ASB18: variants seen among roughly 807,000 people sequenced by gnomAD.
ASB18 encodes ankyrin repeat and SOCS box containing 18, also known as ankyrin repeat and SOCS box protein 18.
A neutral mutation model predicts 33.4 loss-of-function variants in ASB18; 33 were observed. The ratio of observed to expected loss-of-function variants is 0.99; its 90% CI spans 0.75 to 1.32. The LOEUF (loss-of-function observed/expected upper bound fraction) is 1.32. Among genes scored for constraint, ASB18 ranks in the 40% most tolerant of loss-of-function variants. The pLI is 0.00. For missense variants in ASB18, 694 were observed against 655.5 expected (o/e 1.06, Z -0.64); for synonymous variants, 295 against 307.6 (o/e 0.96, Z 0.43).
At chr2:236,206,373 G>C (rs936065463) in intron 4 of ASB18, among the ~76,000 whole-genome samples, 5 of 151,928 alleles carry the variant, frequency 3.3e-5, no homozygotes, top group African/African-American at 1.2e-4. Context: ...ACCTCCTCAG[G>C]GTTTCTAGAA....
Position 236,248,733 on chromosome 2 carries a change from AC to A in ASB18, c.206-7332del, listed in dbSNP as rs2106283441. ...TGGAATGCCTTTTATCCCTGGACTTACCCCATTTTGTGTGATACATATCGTG... is the reference window on the plus strand; with the variant it reads ...TGGAATGCCTTTTATCCCTGGACTTACCCATTTTGTGTGATACATATCGTG... On this transcript the variant is annotated intron_variant, in intron 1 of 5. Transcript: ENST00000409749. The surrounding 1 kb of genome is among the most constrained non-coding windows in gnomAD (Gnocchi z 4.9). The A allele has an allele frequency of 6.6e-6, 1 of 152,280 alleles. No homozygotes were observed. The highest frequency in any genetic ancestry group is 1.5e-5 in the Non-Finnish European group (1 of 68,014). 9.4% of individuals were successfully genotyped at this position (152,280 alleles called of 1,614,324 possible).
In ASB18 at chr2:236,241,607, A is replaced by G. The variant is rs1270939121; in HGVS notation, c.206-205T>C. On this transcript the variant is annotated intron_variant, in intron 1 of 5. Transcript: ENST00000409749. This position sits in a 1 kb window ranked among gnomAD's most constrained non-coding sequence, Gnocchi z 4.2. ...GAGCTATTTCTATTGTCATTACTCA[A>G]TTGTCATCCAGTTGGGGCTCGATGG... 6 of 671,774 alleles carry G rather than the reference A, an allele frequency of 8.9e-6. No individual in the cohort carries two copies. The highest frequency in any genetic ancestry group is 2.7e-5 in the East Asian group (1 of 36,932). 41.6% of individuals were successfully genotyped at this position (671,774 alleles called of 1,614,324 possible).
Position 236,196,461 on chromosome 2 carries a change from G to T in ASB18, c.1102-76C>A. 1.3e-6 allele frequency: 1 copy of T among 767,984 alleles called. No individual in the cohort carries two copies. The highest frequency in any genetic ancestry group is 2.3e-6 in the Non-Finnish European group (1 of 441,554). 47.6% of individuals were successfully genotyped at this position (767,984 alleles called of 1,614,324 possible). ...TCAGTGGGGAAAGGGTGGGGGGTGT[G>T]GGGGGATGCTCTCCCTAGCTGTGTG... is the stretch of plus-strand genomic sequence containing the variant. On this transcript the variant is annotated intron_variant, in intron 4 of 5. Coordinates refer to ENST00000409749, the MANE Select transcript of ASB18 (RefSeq NM_212556.4). The surrounding 1 kb of genome is among the most constrained non-coding windows in gnomAD (Gnocchi z 5.6).
In ASB18 at chr2:236,237,914, A is replaced by C. The variant is rs1373040792; in HGVS notation, c.371T>G (p.Leu124Arg). ...GTGGCCGTGGGCCGCGGCGATGCACAGGGGCGTGGTGAGCTCACGCTTGTA... is the reference window on the plus strand; with the variant it reads ...GTGGCCGTGGGCCGCGGCGATGCACCGGGGCGTGGTGAGCTCACGCTTGTA... Reference protein sequence around the residue: ...LEYKRELTTPLCIAAAHGHTA... With the variant: ...LEYKRELTTPRCIAAAHGHTA... Residue 124 changes from leucine to arginine, a missense_variant, in exon 3 of 6, where the codon CTG becomes CGG. By Grantham distance (102) the Leu-to-Arg change is moderately radical (BLOSUM62 -2). Coordinates refer to ENST00000409749, the MANE Select transcript of ASB18 (RefSeq NM_212556.4). The surrounding 1 kb of genome is among the most constrained non-coding windows in gnomAD (Gnocchi z 6.2). The C allele has an allele frequency of 4.7e-6, 7 of 1,504,142 alleles. No homozygotes were observed. The highest frequency in any genetic ancestry group is 6.2e-6 in the Non-Finnish European group (7 of 1,133,032). 93.2% of individuals were successfully genotyped at this position (1,504,142 alleles called of 1,614,324 possible).
At position 236,241,547 on chromosome 2, in the gene ASB18, T is replaced by A. The variant is rs574532517; in HGVS notation, c.206-145A>T. 6.2e-4 allele frequency: 560 copies of A among 905,888 alleles called. 10 individuals are homozygous for A. The South Asian group carries it at 7.0e-3, about 11-fold the overall frequency. 56.1% of individuals were successfully genotyped at this position (905,888 alleles called of 1,614,324 possible). On this transcript the variant is annotated intron_variant, in intron 1 of 5. Transcript: ENST00000409749. The surrounding 1 kb of genome is among the most constrained non-coding windows in gnomAD (Gnocchi z 4.2). ...GAGATGCCGTCGATTTCAGAAGAGT[T>A]CTTCAGGAACGGGAAAGATGGTCTT... is the stretch of plus-strand genomic sequence containing the variant.
Position 236,241,427 on chromosome 2 carries a change from C to T in ASB18, c.206-25G>A, listed in dbSNP as rs199626879. On this transcript the variant is annotated intron_variant, in intron 1 of 5. Coordinates refer to ENST00000409749, the MANE Select transcript of ASB18 (RefSeq NM_212556.4). This position sits in a 1 kb window ranked among gnomAD's most constrained non-coding sequence, Gnocchi z 4.2. Reference sequence around the variant, plus strand: ...CCTGCGACCAGGGCAGTGTGGTACTCCTGCACCGGGGACCCTGCTCTAGCT... The same window carrying T: ...CCTGCGACCAGGGCAGTGTGGTACTTCTGCACCGGGGACCCTGCTCTAGCT... 34 of 1,613,630 alleles carry T rather than the reference C, an allele frequency of 2.1e-5. 1 individual carries two copies. In the Middle Eastern group the frequency reaches 4.9e-4, roughly 23 times the overall value.
rs1337640766 is a variant in ASB18, at chr2:236,262,171, G to A, written c.205+1970C>T. On this transcript the variant is annotated intron_variant, in intron 1 of 5. Transcript: ENST00000409749. This position sits in a 1 kb window ranked among gnomAD's most constrained non-coding sequence, Gnocchi z 5.2. ...GGCAATTAGTAATGTGAAAAGAAAG[G>A]ATATTTAGGTTCAGGATTCCCAATA... Among the ~76,000 whole-genome samples, 1 of 152,260 alleles carries A rather than the reference G, an allele frequency of 6.6e-6. No homozygotes were observed. The highest frequency in any genetic ancestry group is 1.5e-5 in the Non-Finnish European group (1 of 68,044).
In ASB18 at chr2:236,264,406, C is replaced by A; in HGVS notation, c.-61G>T. The A allele has an allele frequency of 6.8e-7, 1 of 1,466,100 alleles. No individual in the cohort carries two copies. Among genetic ancestry groups the A allele is most frequent in the South Asian group, 1.2e-5 (1 of 86,112 alleles). The allele number at this position is 1,466,100 out of a possible 1,614,324, so 90.8% of individuals were successfully genotyped here. ...TCTTCCTCTAAAGCGACTCCAAAGT[C>A]AGCAGCTGTCCGTGAGAGTGGCGTG... is the stretch of plus-strand genomic sequence containing the variant. On this transcript the variant is annotated 5_prime_UTR_variant, in exon 1 of 6. Transcript: ENST00000409749. The surrounding 1 kb of genome is among the most constrained non-coding windows in gnomAD (Gnocchi z 5.1).
chr2:236,226,779 A>T lies in ASB18; in HGVS notation c.596+10910T>A, dbSNP rs1173839192. On this transcript the variant is annotated intron_variant, in intron 3 of 5. Coordinates refer to ENST00000409749, the MANE Select transcript of ASB18 (RefSeq NM_212556.4). This position sits in a 1 kb window ranked among gnomAD's most constrained non-coding sequence, Gnocchi z 4.8. ...GAAGCAATATTTTTCTGATCCTTTA[A>T]AGTGGGAGAGGAGTTGGGGCCCAAG... Among the ~76,000 whole-genome samples the T allele has an allele frequency of 6.6e-6, 1 of 152,198 alleles. No individual in the cohort carries two copies. The highest frequency in any genetic ancestry group is 1.5e-5 in the Non-Finnish European group (1 of 68,034).
At chr2:236,232,033 A>C (rs11677599) in intron 3 of ASB18, among the ~76,000 whole-genome samples, 58,446 of 152,074 alleles carry the variant, frequency 0.38, 11,765 homozygotes, top group African/African-American at 0.52. Flanking sequence ...ATAGAATACT[A>C]CATTGAACTA....
In ASB18 at chr2:236,237,865, G is replaced by T; in HGVS notation, c.420C>A (p.Leu140=). 6.8e-7 allele frequency: 1 copy of T among 1,472,924 alleles called. No individual in the cohort carries two copies. The highest frequency in any genetic ancestry group is 8.9e-7 in the Non-Finnish European group (1 of 1,120,512). The allele number at this position is 1,472,924 out of a possible 1,614,324, so 91.2% of individuals were successfully genotyped here. A position where few individuals can be genotyped will look rare whatever the true frequency, so the allele number is the denominator to read the frequency against. ...TGGCGTCTGGGTCTGCGCCGCGGCC[G>T]AGCAGGTGTCGCACGCAGGCGGTGT... is the stretch of plus-strand genomic sequence containing the variant. ...HGHTACVRHL[L]GRGADPDASP... The change falls in exon 3 of 6, where the codon CTC becomes CTA. Residue 140 remains leucine, a synonymous_variant. Transcript: ENST00000409749. This position sits in a 1 kb window ranked among gnomAD's most constrained non-coding sequence, Gnocchi z 6.2.
rs542338327 is a variant in ASB18, at chr2:236,204,455, C to G, written c.1102-8070G>C. Among the ~76,000 whole-genome samples, 6 of 152,308 alleles carry G rather than the reference C, an allele frequency of 3.9e-5. No individual in the cohort carries two copies. Among genetic ancestry groups the G allele is most frequent in the African/African-American group, 1.4e-4 (6 of 41,560 alleles). ...ACCATCCCTGCATTCAGGCCTGTTC[C>G]TCTTTTCCGTTTACTCTCACTTGCT... On this transcript the variant is annotated intron_variant, in intron 4 of 5. Coordinates refer to ENST00000409749, the MANE Select transcript of ASB18 (RefSeq NM_212556.4). The surrounding 1 kb of genome is among the most constrained non-coding windows in gnomAD (Gnocchi z 5.1).
At chr2:236,202,777 C>CAAAAAAAAAAAAAAAAA (rs34973734) in intron 4 of ASB18, among the ~76,000 whole-genome samples, 2 of 68,732 alleles carry the variant, frequency 2.9e-5, no homozygotes, top group African/African-American at 1.1e-4. Context: ...GACTCCGTCT[C>CAAAAAAAAAAAAAAAAA]AAAAAAAAAA....
In ASB18 at chr2:236,239,302, C is replaced by A. The variant is rs1343328007; in HGVS notation, c.329-1346G>T. ...CCAACCCAGCCCCACCCTACCCTAG[C>A]GCTCAGTAAACCCACCCTGGATTCC... On this transcript the variant is annotated intron_variant, in intron 2 of 5. Transcript: ENST00000409749. This position sits in a 1 kb window ranked among gnomAD's most constrained non-coding sequence, Gnocchi z 5.6. 6.6e-6 allele frequency among the ~76,000 whole-genome samples: 1 copy of A among 152,012 alleles called. No individual in the cohort carries two copies. The highest frequency in any genetic ancestry group is 1.5e-5 in the Non-Finnish European group (1 of 67,992).
At position 236,262,965 on chromosome 2, in the gene ASB18, A is replaced by G. The variant is rs1212927316; in HGVS notation, c.205+1176T>C. ...CTGCAAGCTCCATTCCCTAGCAGCA[A>G]CTCCCACTCATGTCCCATCTGTGTT... On this transcript the variant is annotated intron_variant, in intron 1 of 5. Coordinates refer to ENST00000409749, the MANE Select transcript of ASB18 (RefSeq NM_212556.4). This position sits in a 1 kb window ranked among gnomAD's most constrained non-coding sequence, Gnocchi z 5.2. Among the ~76,000 whole-genome samples the G allele has an allele frequency of 1.3e-5, 2 of 151,828 alleles. No homozygotes were observed. The highest frequency in any genetic ancestry group is 2.9e-5 in the Non-Finnish European group (2 of 67,978).
At position 236,221,224 on chromosome 2, in the gene ASB18, G is replaced by GCAA. The variant is rs111994715; in HGVS notation, c.597-6361_597-6359dup. On this transcript the variant is annotated intron_variant, in intron 3 of 5. Coordinates refer to ENST00000409749, the MANE Select transcript of ASB18 (RefSeq NM_212556.4). The surrounding 1 kb of genome is among the most constrained non-coding windows in gnomAD (Gnocchi z 5.6). The stretch of plus-strand genomic sequence containing the variant: ...CAAAAGATGATGCTGACTGAGCAAT[G>GCAA]CAACAACAACAACAACAACAACAAA... Among the ~76,000 whole-genome samples the GCAA allele has an allele frequency of 4.4e-3, 638 of 146,544 alleles. 4 individuals carry two copies. The highest frequency in any genetic ancestry group is 6.4e-3 in the Non-Finnish European group (431 of 67,786).
rs753204058 is a variant in ASB18, at chr2:236,222,137, G to A, written c.597-7271C>T. Among the ~76,000 whole-genome samples, 57 of 152,170 alleles carry A rather than the reference G, an allele frequency of 3.7e-4. No homozygotes were observed. The highest frequency in any genetic ancestry group is 1.0e-3 in the African/African-American group (43 of 41,438). The stretch of plus-strand genomic sequence containing the variant: ...AGCTCCACGACTTTGATGGAGGAGC[G>A]GTTCCACTTTATTTCCCTGGACCTT... On this transcript the variant is annotated intron_variant, in intron 3 of 5. Coordinates refer to ENST00000409749, the MANE Select transcript of ASB18 (RefSeq NM_212556.4). The surrounding 1 kb of genome is among the most constrained non-coding windows in gnomAD (Gnocchi z 5.5).
rs2060486544 is a variant in ASB18, at chr2:236,216,104, G to C, written c.597-1238C>G. 6.6e-6 allele frequency among the ~76,000 whole-genome samples: 1 copy of C among 152,192 alleles called. No individual in the cohort carries two copies. Among genetic ancestry groups the C allele is most frequent in the Admixed American group, 6.5e-5 (1 of 15,284 alleles). ...CAAATGGCCGAATCTTCAAGCCGGA[G>C]TCCATTCTTCACCCCCCTCCTTTTC... On this transcript the variant is annotated intron_variant, in intron 3 of 5. Transcript: ENST00000409749. The surrounding 1 kb of genome is among the most constrained non-coding windows in gnomAD (Gnocchi z 6.1).
Position 236,195,084 on chromosome 2 carries a change from A to G in ASB18, c.1216-27T>C, listed in dbSNP as rs756720760. The G allele has an allele frequency of 1.9e-6, 3 of 1,595,382 alleles. No homozygotes were observed. In the Admixed American group the frequency reaches 5.1e-5, roughly 27 times the overall value. The stretch of plus-strand genomic sequence containing the variant: ...TGGAAGGGAAGGCAGGTGGATTAGA[A>G]ATCTGGGCACGTGGAACCAACATAC... On this transcript the variant is annotated intron_variant, in intron 5 of 5. Transcript: ENST00000409749. The surrounding 1 kb of genome is among the most constrained non-coding windows in gnomAD (Gnocchi z 5.5).
Sources: gnomAD v4.1 joint callset for allele counts (sites outside exome capture counted in the v4.1 genomes callset) on GRCh38, gnomAD v4.1.1 for gene constraint, Gnocchi (gnomAD v3.1) non-coding constraint, MANE v1.5 for transcripts, NCBI Gene and HGNC (gene_info 2026-07-23, HGNC 2026-07-21) for gene names.